The following TNS3 variants were observed in gnomAD, a reference collection of about 807,000 sequenced individuals.
TNS3 encodes the protein tensin 3.
Under a neutral mutation model 140.9 loss-of-function variants are expected in TNS3, and 45 were observed. The observed-to-expected ratio is 0.32, with a 90% confidence interval of 0.25 to 0.41. TNS3 has a LOEUF of 0.41. TNS3 is among the 10% of genes least tolerant of loss of function. The pLI is 1.00. For missense variants in TNS3, 1,716 were observed against 1,906.7 expected, an observed-to-expected ratio of 0.90 and a Z score of 1.86; for synonymous variants, 815 against 788.4, an observed-to-expected ratio of 1.03 and a Z score of -0.56.
At chr7:47,472,085 T>C (rs1796977555) in intron 4 of TNS3, among the ~76,000 whole-genome samples, 1 of 152,220 alleles carries the variant, frequency 6.6e-6, no homozygotes, top group African/African-American at 2.4e-5. Flanking sequence ...TTCCTTGGCT[T>C]GCAGACACGT....
chr7:47,417,017 C>T (rs1363087843), intron 10 of TNS3, among the ~76,000 whole-genome samples: 2 of 152,180 alleles, frequency 1.3e-5, no homozygotes, highest in East Asian at 1.9e-4. Flanking sequence ...AGTGACCACG[C>T]GGCTAAGACG....
intron 17 of TNS3, among the ~76,000 whole-genome samples, chr7:47,361,445 G>A (rs922861781): frequency 1.3e-5 from 2 of 152,122 alleles, no homozygotes; most frequent in Non-Finnish European, 1.5e-5. Flanking sequence ...AGGCCTGGCT[G>A]AGAGGCTCTG....
chr7:47,549,758 C>G (rs1156995762), intron 1 of TNS3, among the ~76,000 whole-genome samples: 1 of 152,204 alleles, frequency 6.6e-6, no homozygotes, highest in East Asian at 1.9e-4. Context: ...TCTAGTCCAT[C>G]TGTCCATCCG....
chr7:47,376,270 AG>A (rs1791379458), intron 16 of TNS3, among the ~76,000 whole-genome samples: 1 of 152,238 alleles, frequency 6.6e-6, no homozygotes, highest in Non-Finnish European at 1.5e-5. Context: ...AGATCAACAG[AG>A]GCAAGGGAAA....
intron 1 of TNS3, among the ~76,000 whole-genome samples, chr7:47,564,685 C>A (rs10227017): frequency 1.5e-5 from 2 of 134,222 alleles, no homozygotes; most frequent in South Asian, 2.6e-4. Context: ...ACCTCAAGAA[C>A]GGCTAAAATT....
At chr7:47,470,763 G>T in intron 4 of TNS3, 1 of 528,210 alleles carries the variant, frequency 1.9e-6, no homozygotes, top group Non-Finnish European at 2.4e-6. Context: ...TTGTGCTCCC[G>T]GGTGGATGTA....
intron 8 of TNS3, among the ~76,000 whole-genome samples, chr7:47,433,385 G>T (rs1795018340): frequency 6.6e-6 from 1 of 152,184 alleles, no homozygotes; most frequent in African/African-American, 2.4e-5. Context: ...AAGAGGGCAA[G>T]CCATTAGCAA....
chr7:47,538,354 A>G (rs592048), intron 1 of TNS3, among the ~76,000 whole-genome samples: 45,159 of 152,136 alleles, frequency 0.3, 7,635 homozygotes, highest in East Asian at 0.44. Context: ...CCCCTGCCTC[A>G]GAGCAGGATA....
At chr7:47,506,663 G>C (rs562296853) in intron 3 of TNS3, among the ~76,000 whole-genome samples, 1 of 151,918 alleles carries the variant, frequency 6.6e-6, no homozygotes, top group Non-Finnish European at 1.5e-5. Context: ...GTGGCCAGGG[G>C]ACAACTATTG....
intron 28 of TNS3, among the ~76,000 whole-genome samples, chr7:47,281,859 C>T (rs1033329156): frequency 2.0e-5 from 3 of 152,200 alleles, no homozygotes; most frequent in African/African-American, 7.2e-5. Flanking sequence ...AACCCTGACC[C>T]TGAGTCTACC....
intron 1 of TNS3, chr7:47,579,456 A>AATT (rs1784479072): frequency 3.3e-5 from 5 of 152,242 alleles, no homozygotes; most frequent in African/African-American, 9.6e-5. Context: ...GGCCGCTGTG[A>AATT]GGAAGCCTCG....
chr7:47,279,240 G>C (rs1417563258), intron 30 of TNS3: 2 of 152,262 alleles, frequency 1.3e-5, no homozygotes, highest in African/African-American at 4.8e-5. Context: ...CATTAAATCC[G>C]GGTTATGCCG....
intron 20 of TNS3, among the ~76,000 whole-genome samples, chr7:47,328,176 G>A (rs942953151): frequency 6.6e-6 from 1 of 152,100 alleles, no homozygotes; most frequent in Non-Finnish European, 1.5e-5. Flanking sequence ...TCGTGCAGGG[G>A]GCGGGGCGGC....
rs1584404824 is a variant in TNS3, at chr7:47,325,843, C to T, written c.2650+18912G>A. On this transcript the variant is annotated intron_variant, in intron 20 of 30. Transcript: ENST00000311160. ...TACATCAACTAGGCAGCTTGATTGC[C>T]TTGGATGTTATTTTTTTTAAAGACA... Among the ~76,000 whole-genome samples the T allele has an allele frequency of 2.0e-5, 3 of 152,148 alleles. No individual in the cohort carries two copies. In the South Asian group the frequency reaches 6.2e-4, roughly 32 times the overall value.
intron 1 of TNS3, among the ~76,000 whole-genome samples, chr7:47,539,792 G>C (rs1799732997): frequency 6.6e-6 from 1 of 152,158 alleles, no homozygotes; most frequent in Admixed American, 6.5e-5. Context: ...TCCACACACA[G>C]CACCAAGCAG....
At chr7:47,340,092 CATAT>C (rs199944761) in intron 20 of TNS3, among the ~76,000 whole-genome samples, 1,747 of 45,888 alleles carry the variant, frequency 0.038, 74 homozygotes, top group Middle Eastern at 0.059. Context: ...TGTGCATATA[CATAT>C]ATATATATAT....
At chr7:47,435,544 G>T in intron 7 of TNS3, 140 bp from the exon 8 acceptor site, 1 of 1,201,626 alleles carries the variant, frequency 8.3e-7, no homozygotes, top group Middle Eastern at 1.9e-4. Context: ...AAAACTCAGT[G>T]AGCATGAGGA....
At chr7:47,324,841 AAT>A (rs1338761503) in intron 20 of TNS3, among the ~76,000 whole-genome samples, 4 of 152,338 alleles carry the variant, frequency 2.6e-5, no homozygotes, top group African/African-American at 7.2e-5. Context: ...TTAAGAAAAA[AAT>A]AGTGTCTTTT....
intron 1 of TNS3, among the ~76,000 whole-genome samples, chr7:47,536,414 G>A (rs1799600643): frequency 6.6e-6 from 1 of 152,108 alleles, no homozygotes; most frequent in African/African-American, 2.4e-5. Flanking sequence ...ACCGTGAAAG[G>A]CCGTCCTGTG....
Sources: allele counts gnomAD v4.1 joint callset (sites outside exome capture counted in the v4.1 genomes callset), GRCh38; gene constraint gnomAD v4.1.1; transcripts MANE v1.5; gene names NCBI Gene and HGNC (gene_info 2026-07-23, HGNC 2026-07-21).